IQCM: variants seen among roughly 807,000 people sequenced by gnomAD.
IQCM encodes the protein IQ domain-containing protein M.
In IQCM, 45 loss-of-function variants were observed where a neutral mutation model predicts 57.6. The observed-to-expected ratio is 0.78, with a 90% confidence interval of 0.62 to 1.00. The LOEUF (loss-of-function observed/expected upper bound fraction) is 1.00, where lower values mean the gene tolerates loss of function less well. Among genes scored for constraint, IQCM ranks in the 50% least tolerant of loss-of-function variants. The pLI, the probability that IQCM is intolerant of heterozygous loss-of-function variation, is 0.00. For missense variants in IQCM, 468 were observed against 511.6 expected, an observed-to-expected ratio of 0.91 and a Z score of 0.82; for synonymous variants, 148 against 158.9, an observed-to-expected ratio of 0.93 and a Z score of 0.51.
intron 12 of IQCM, among the ~76,000 whole-genome samples, chr4:149,486,753 A>T (rs72726107): frequency 1.4e-4 from 22 of 152,182 alleles, no homozygotes; most frequent in Non-Finnish European, 3.2e-4. Context: ...CTCCAAAAAC[A>T]AACAAACAAA....
chr4:149,600,198 G>A (rs745636370), intron 8 of IQCM, among the ~76,000 whole-genome samples: 17 of 152,070 alleles, frequency 1.1e-4, no homozygotes, highest in African/African-American at 1.9e-4. Flanking sequence ...TATATTCTAC[G>A]TGGCAGGTCT....
intron 5 of IQCM, among the ~76,000 whole-genome samples, chr4:149,697,137 C>CT: frequency 6.6e-6 from 1 of 152,076 alleles, no homozygotes; most frequent in East Asian, 1.9e-4. Flanking sequence ...TTGCCATTAC[C>CT]TACAGGGCCA....
chr4:149,671,207 T>C lies in IQCM; in HGVS notation c.565+10911A>G, dbSNP rs547748199. On this transcript the variant is annotated intron_variant, in intron 7 of 13. Transcript: ENST00000636793. Reference sequence around the variant, plus strand: ...GATTCAACTTCTTCCTGGTTTAGTCTTGGGAGGGTGTGTGTGTCCAGGAAT... The same window carrying C: ...GATTCAACTTCTTCCTGGTTTAGTCCTGGGAGGGTGTGTGTGTCCAGGAAT... Among the ~76,000 whole-genome samples the C allele has an allele frequency of 2.6e-5, 4 of 152,284 alleles. No individual in the cohort carries two copies. In the South Asian group the frequency reaches 8.3e-4, roughly 32 times the overall value.
chr4:149,412,550 C>A (rs1733463876), intron 13 of IQCM, among the ~76,000 whole-genome samples: 1 of 152,116 alleles, frequency 6.6e-6, no homozygotes, highest in South Asian at 2.1e-4. Context: ...TCATTCAAAA[C>A]TATTTACTGA....
rs149638975 is a variant in IQCM, at chr4:149,714,613, T to G, written c.385+18631A>C. ...GTACCAAATCCTATATGTACCATGT[T>G]TGTTCCTATACATACATACATACCT... is the stretch of plus-strand genomic sequence containing the variant. On this transcript the variant is annotated intron_variant, in intron 5 of 13. Transcript: ENST00000636793. 3.9e-5 allele frequency among the ~76,000 whole-genome samples: 6 copies of G among 152,334 alleles called. No individual in the cohort carries two copies. In the East Asian group the frequency reaches 1.2e-3, roughly 29 times the overall value.
At chr4:149,808,410 G>A (rs545739525) in intron 2 of IQCM, among the ~76,000 whole-genome samples, 2 of 152,058 alleles carry the variant, frequency 1.3e-5, no homozygotes, top group South Asian at 4.1e-4. Context: ...GAGACAGAAG[G>A]GATGAAGAAA....
chr4:149,390,713 G>A (rs574772092), intron 13 of IQCM, among the ~76,000 whole-genome samples: 6 of 151,742 alleles, frequency 4.0e-5, no homozygotes, highest in East Asian at 2.0e-4. Context: ...ATTGTATAAC[G>A]CATTAATTGA....
At chr4:149,421,566 T>C (rs1734123365) in intron 13 of IQCM, among the ~76,000 whole-genome samples, 1 of 152,036 alleles carries the variant, frequency 6.6e-6, no homozygotes, top group Admixed American at 6.6e-5. Flanking sequence ...AATATGTTTA[T>C]TAAATAACTC....
intron 13 of IQCM, among the ~76,000 whole-genome samples, chr4:149,393,616 G>A (rs1419248179): frequency 6.6e-6 from 1 of 151,754 alleles, no homozygotes; most frequent in East Asian, 1.9e-4. Flanking sequence ...GGGAACCAAA[G>A]ACCAAGAGAT....
In IQCM at chr4:149,621,135, A is replaced by G; in HGVS notation, c.675T>C (p.Tyr225=). The G allele has an allele frequency of 1.6e-6, 2 of 1,216,870 alleles. No individual in the cohort carries two copies. Among genetic ancestry groups the G allele is most frequent in the Non-Finnish European group, 2.1e-6 (2 of 974,012 alleles). The allele number at this position is 1,216,870 out of a possible 1,614,324, so 75.4% of individuals were successfully genotyped here. Residue 225 remains tyrosine, a synonymous_variant, in exon 8 of 14, where the codon TAT becomes TAC. Transcript: ENST00000636793. ...CAGTTTTATAAATACTTACAGAATA[A>G]TAATCCCGAAATATTGATGATGATT... ...FSQSSSIFRD[Y]YSKTFKTLIK...
At chr4:149,657,768 T>A (rs1759763916) in intron 7 of IQCM, among the ~76,000 whole-genome samples, 1 of 152,128 alleles carries the variant, frequency 6.6e-6, no homozygotes, top group Non-Finnish European at 1.5e-5. Context: ...GTCACGAGCA[T>A]TTTTTCATGT....
intron 8 of IQCM, 123 bp from the exon 9 acceptor site, chr4:149,588,120 A>G (rs1752806306): frequency 2.4e-6 from 1 of 411,942 alleles, no homozygotes; most frequent in Non-Finnish European, 4.1e-6. Context: ...TATATTATGA[A>G]TCTGCACATT....
rs556179430 is a variant in IQCM, at chr4:149,373,700, A to T, written c.1391-21634T>A. On this transcript the variant is annotated intron_variant, in intron 13 of 13. Coordinates refer to ENST00000636793, the MANE Select transcript of IQCM (RefSeq NM_001363507.2). ...CCAGGAATTAAAATATAAAATGGTT[A>T]TACGAGCATTTATAAATATTTTCTA... is the stretch of plus-strand genomic sequence containing the variant. Among the ~76,000 whole-genome samples the T allele has an allele frequency of 2.6e-5, 4 of 152,244 alleles. No individual in the cohort carries two copies. In the South Asian group the frequency reaches 6.2e-4, roughly 24 times the overall value.
At chr4:149,367,331 T>C (rs1480936179) in intron 13 of IQCM, among the ~76,000 whole-genome samples, 1 of 151,998 alleles carries the variant, frequency 6.6e-6, no homozygotes, top group Non-Finnish European at 1.5e-5. Flanking sequence ...GTAATTCACT[T>C]CCCTATATCA....
intron 12 of IQCM, among the ~76,000 whole-genome samples, chr4:149,439,856 A>G (rs1255584709): frequency 3.9e-5 from 6 of 152,188 alleles, no homozygotes; most frequent in Non-Finnish European, 4.4e-5. Context: ...CTCAGCATAC[A>G]TAATCCATAA....
chr4:149,474,154 C>CA (rs938188728), intron 12 of IQCM, among the ~76,000 whole-genome samples: 52 of 131,788 alleles, frequency 3.9e-4, no homozygotes, highest in African/African-American at 9.6e-4. Context: ...GATTGCTAGT[C>CA]AAAAAAAAAA....
intron 12 of IQCM, among the ~76,000 whole-genome samples, chr4:149,510,558 G>A (rs1303114429): frequency 2.0e-5 from 3 of 152,172 alleles, no homozygotes; most frequent in African/African-American, 4.8e-5. Context: ...ATCATCATGA[G>A]ACATTTGTTA....
intron 13 of IQCM, among the ~76,000 whole-genome samples, chr4:149,355,414 C>A (rs1366486081): frequency 7.7e-6 from 1 of 129,306 alleles, no homozygotes. Context: ...CCACAACAGG[C>A]CCCAGCGTGT....
chr4:149,491,420 G>A lies in IQCM; in HGVS notation c.1228+57035C>T, dbSNP rs140480438. Among the ~76,000 whole-genome samples, 11 of 151,958 alleles carry A rather than the reference G, an allele frequency of 7.2e-5. No individual in the cohort carries two copies. In the East Asian group the frequency reaches 1.2e-3, roughly 16 times the overall value. On this transcript the variant is annotated intron_variant, in intron 12 of 13. Coordinates refer to ENST00000636793, the MANE Select transcript of IQCM (RefSeq NM_001363507.2). ...AAATTTTGTATCCTTTGACCAACCC[G>A]CAACCCTCAGCCCCTGGTAAACCAT...
Sources: gnomAD v4.1 joint callset for allele counts (sites outside exome capture counted in the v4.1 genomes callset) on GRCh38, gnomAD v4.1.1 for gene constraint, MANE v1.5 for transcripts, NCBI Gene and HGNC (gene_info 2026-07-23, HGNC 2026-07-21) for gene names.